CADM1: variants seen among roughly 807,000 people sequenced by gnomAD.
CADM1 encodes the protein TSLC-1.
CADM1 carries 15 observed loss-of-function variants against 53.1 expected under a neutral mutation model. That is an observed-to-expected ratio of 0.28 (90% CI 0.19 to 0.44). The LOEUF (loss-of-function observed/expected upper bound fraction) is 0.44, where lower values mean the gene tolerates loss of function less well. CADM1 is among the 20% of genes least tolerant of loss of function. CADM1 has a pLI of 1.00. For synonymous variants in CADM1, 281 were observed against 243.0 expected (o/e 1.16, Z -1.45); for missense variants, 434 against 611.3 (o/e 0.71, Z 3.06).
At chr11:115,282,069 C>A (rs1943600908) in intron 1 of CADM1, among the ~76,000 whole-genome samples, 1 of 152,066 alleles carries the variant, frequency 6.6e-6, no homozygotes. Context: ...CTTCCAGTTC[C>A]TTGCTTTATT....
chr11:115,260,497 C>T (rs767099712), intron 1 of CADM1, among the ~76,000 whole-genome samples: 5 of 152,160 alleles, frequency 3.3e-5, no homozygotes, highest in Non-Finnish European at 7.3e-5. Flanking sequence ...CCTGAATGGC[C>T]GAGGCCTGGC....
chr11:115,449,051 T>G (rs1565433353), intron 1 of CADM1, among the ~76,000 whole-genome samples: 1 of 152,096 alleles, frequency 6.6e-6, no homozygotes, highest in East Asian at 1.9e-4. Context: ...GGAAAAAATA[T>G]CTCATCATCT....
In CADM1 at chr11:115,174,212, C is replaced by T; in HGVS notation, c.*2262G>A. 1 of 985,066 alleles carries T rather than the reference C, an allele frequency of 1.0e-6. No individual in the cohort carries two copies. The highest frequency in any genetic ancestry group is 1.2e-6 in the Non-Finnish European group (1 of 829,880). 61.0% of individuals were successfully genotyped at this position (985,066 alleles called of 1,614,324 possible). A position where few individuals can be genotyped will look rare whatever the true frequency, so the allele number is the denominator to read the frequency against. ...CTGCACTACTGTACACTTTTCAAAACAGAAAGATGGGAGGTCCCAAAAATG... is the reference window on the plus strand; with the variant it reads ...CTGCACTACTGTACACTTTTCAAAATAGAAAGATGGGAGGTCCCAAAAATG... On this transcript the variant is annotated 3_prime_UTR_variant, in exon 12 of 12. Coordinates refer to ENST00000331581, the MANE Select transcript of CADM1 (RefSeq NM_001301043.2).
At chr11:115,359,705 G>A (rs138729527) in intron 1 of CADM1, among the ~76,000 whole-genome samples, 4 of 152,108 alleles carry the variant, frequency 2.6e-5, no homozygotes, top group South Asian at 2.1e-4. Context: ...CAGATAAAAC[G>A]CTCCTGACTC....
intron 3 of CADM1, among the ~76,000 whole-genome samples, chr11:115,232,886 GAAATT>G (rs961384936): frequency 6.6e-6 from 1 of 152,124 alleles, no homozygotes; most frequent in African/African-American, 2.4e-5. Flanking sequence ...AGAGAAACAA[GAAATT>G]AAATATGTAT....
At chr11:115,422,515 A>G (rs886704177) in intron 1 of CADM1, among the ~76,000 whole-genome samples, 3 of 152,196 alleles carry the variant, frequency 2.0e-5, no homozygotes, top group African/African-American at 7.2e-5. Flanking sequence ...TAACATACCA[A>G]TCAGAAAGCT....
intron 1 of CADM1, among the ~76,000 whole-genome samples, chr11:115,289,665 C>T (rs1368691830): frequency 2.7e-5 from 4 of 148,966 alleles, no homozygotes; most frequent in South Asian, 2.1e-4. Context: ...GCGCGATCTC[C>T]GCTCACTGCA....
chr11:115,273,178 T>C (rs1367820150), intron 1 of CADM1, among the ~76,000 whole-genome samples: 7 of 152,226 alleles, frequency 4.6e-5, no homozygotes. Context: ...TTTTGATCTA[T>C]TAAGTGACCT....
intron 1 of CADM1, among the ~76,000 whole-genome samples, chr11:115,342,720 T>C (rs1436347167): frequency 6.6e-6 from 1 of 152,162 alleles, no homozygotes; most frequent in Admixed American, 6.6e-5. Context: ...TTGTCCCTTT[T>C]CAAAGATATA....
chr11:115,184,107 G>T (rs1939434852), intron 10 of CADM1, among the ~76,000 whole-genome samples: 1 of 151,974 alleles, frequency 6.6e-6, no homozygotes, highest in African/African-American at 2.4e-5. Flanking sequence ...AGAAAGCTTA[G>T]TGACTATGAT....
intron 5 of CADM1, among the ~76,000 whole-genome samples, chr11:115,221,900 C>A (rs1469587591): frequency 6.6e-6 from 1 of 152,128 alleles, no homozygotes; most frequent in African/African-American, 2.4e-5. Flanking sequence ...ACAACCTTCC[C>A]TCTCTTCCTA....
intron 1 of CADM1, among the ~76,000 whole-genome samples, chr11:115,490,532 G>A (rs1949471837): frequency 6.6e-6 from 1 of 151,618 alleles, no homozygotes; most frequent in Admixed American, 6.6e-5. Flanking sequence ...CCGAGTAGCT[G>A]GGACTACAGG....
intron 1 of CADM1, among the ~76,000 whole-genome samples, chr11:115,372,045 AT>A (rs1946321520): frequency 1.3e-5 from 2 of 152,212 alleles, no homozygotes; most frequent in Non-Finnish European, 2.9e-5. Context: ...AAAAATGCTC[AT>A]TTGAAGTTTA....
intron 1 of CADM1, among the ~76,000 whole-genome samples, chr11:115,270,204 T>C (rs1943258882): frequency 6.6e-6 from 1 of 152,326 alleles, no homozygotes; most frequent in African/African-American, 2.4e-5. Context: ...CTAGATTTCA[T>C]ATCAGACACT....
At chr11:115,198,883 AC>A (rs1230071903) in intron 8 of CADM1, among the ~76,000 whole-genome samples, 1 of 152,126 alleles carries the variant, frequency 6.6e-6, no homozygotes, top group African/African-American at 2.4e-5. Context: ...AACCCAACCC[AC>A]CCGGGCACTT....
At chr11:115,482,198 AC>A (rs992631689) in intron 1 of CADM1, among the ~76,000 whole-genome samples, 1 of 151,714 alleles carries the variant, frequency 6.6e-6, no homozygotes, top group Non-Finnish European at 1.5e-5. Flanking sequence ...AACTCAAGAG[AC>A]CCCCTAGAAG....
chr11:115,479,108 C>T (rs999052850), intron 1 of CADM1, among the ~76,000 whole-genome samples: 19 of 152,156 alleles, frequency 1.2e-4, no homozygotes, highest in Admixed American at 4.6e-4. Context: ...ATTCACACTA[C>T]CATAAATCAT....
chr11:115,472,393 G>A (rs1949035349), intron 1 of CADM1, among the ~76,000 whole-genome samples: 1 of 152,182 alleles, frequency 6.6e-6, no homozygotes, highest in Non-Finnish European at 1.5e-5. Flanking sequence ...TATTAGAACA[G>A]AGTACCCAGG....
At chr11:115,273,889 T>C (rs896576178) in intron 1 of CADM1, among the ~76,000 whole-genome samples, 9 of 151,972 alleles carry the variant, frequency 5.9e-5, no homozygotes, top group Non-Finnish European at 1.3e-4. Context: ...GACAAAGGAG[T>C]GTCACAGTAA....
Sources: allele counts gnomAD v4.1 joint callset (sites outside exome capture counted in the v4.1 genomes callset), GRCh38; gene constraint gnomAD v4.1.1; transcripts MANE v1.5; gene names NCBI Gene and HGNC (gene_info 2026-07-23, HGNC 2026-07-21).